Variants in PUDP observed in about 807,000 individuals in gnomAD.
PUDP encodes pseudouridine 5'-phosphatase.
Under a neutral mutation model 9.4 loss-of-function variants are expected in PUDP, and 8 were observed. The observed-to-expected ratio is 0.85, with a 90% confidence interval of 0.50 to 1.53. PUDP has a LOEUF of 1.53. Ranked by LOEUF, PUDP falls within the 40% of genes most tolerant of loss-of-function variation. The pLI is 0.00. For missense variants in PUDP, 188 were observed against 189.7 expected (o/e 0.99, Z 0.05); for synonymous variants, 99 against 80.7 (o/e 1.23, Z -1.22).
At chrX:7,131,594 G>C (rs1030878803) in intron 1 of PUDP, among the ~76,000 whole-genome samples, 2 of 109,627 alleles carry the variant, frequency 1.8e-5, no homozygotes, top group Non-Finnish European at 3.8e-5. Flanking sequence ...CTCCAGAGCT[G>C]AGATAAAGTA....
chrX:7,019,674 C>T lies in PUDP; in HGVS notation c.205-41331G>A, dbSNP rs763188908. Among the ~76,000 whole-genome samples, 31 of 112,055 alleles carry T rather than the reference C, an allele frequency of 2.8e-4. No homozygotes were observed. In the South Asian group the frequency reaches 0.011, roughly 38 times the overall value. On this transcript the variant is annotated intron_variant and NMD_transcript_variant, in intron 1 of 3. Transcript: ENST00000655425. ...CTTCCTCCCATAGCCTGTGTTGTCA[C>T]AATGCAAGCCTCCATTCTTCAACCT...
At chrX:6,783,130 A>C (rs1432580680) in intron 3 of PUDP, among the ~76,000 whole-genome samples, 2 of 111,666 alleles carry the variant, frequency 1.8e-5, no homozygotes, top group Non-Finnish European at 3.8e-5. Flanking sequence ...ACAGACCCGG[A>C]ATTGGGAGTG....
intron 3 of PUDP, among the ~76,000 whole-genome samples, chrX:6,869,916 T>G (rs1927148342): frequency 9.0e-6 from 1 of 111,243 alleles, no homozygotes; most frequent in Non-Finnish European, 1.9e-5. Context: ...GGATATATAC[T>G]CCAAAGAACT....
chrX:6,785,296 C>T (rs1443155950), intron 3 of PUDP, among the ~76,000 whole-genome samples: 1 of 112,296 alleles, frequency 8.9e-6, no homozygotes, highest in Non-Finnish European at 1.9e-5. Context: ...AACTACATTG[C>T]ATTATCTGTG....
intron 3 of PUDP, among the ~76,000 whole-genome samples, chrX:6,753,182 T>C (rs1031708104): frequency 8.9e-6 from 1 of 111,800 alleles, no homozygotes; most frequent in Non-Finnish European, 1.9e-5. Flanking sequence ...TGCCTTTGCA[T>C]CCTTATAGCT....
chrX:6,801,092 G>A (rs749015980), intron 3 of PUDP, among the ~76,000 whole-genome samples: 1 of 111,877 alleles, frequency 8.9e-6, no homozygotes, highest in South Asian at 3.8e-4. Context: ...TGAAGCCCCA[G>A]GAGAATTAAG....
At chrX:7,117,013 G>A (rs1464589941) in intron 1 of PUDP, 1 of 1,165,575 alleles carries the variant, frequency 8.6e-7, no homozygotes. Context: ...CGAAGCAGCT[G>A]CCACTATGCT....
chrX:6,816,325 C>T (rs62590381), intron 3 of PUDP, among the ~76,000 whole-genome samples: 9,206 of 102,698 alleles, frequency 0.09, 368 homozygotes, highest in Non-Finnish European at 0.12. Flanking sequence ...CATATATGTA[C>T]TATGTGACAC....
chrX:6,753,716 G>C (rs1925135071), intron 3 of PUDP, among the ~76,000 whole-genome samples: 1 of 111,838 alleles, frequency 8.9e-6, no homozygotes, highest in Admixed American at 9.5e-5. Flanking sequence ...GCATTTCCCT[G>C]ATCATTAGTG....
At chrX:6,828,604 A>T (rs1426406789) in intron 3 of PUDP, among the ~76,000 whole-genome samples, 1 of 111,420 alleles carries the variant, frequency 9.0e-6, no homozygotes, top group East Asian at 2.8e-4. Context: ...AATGATGTAC[A>T]TTCTATAGGT....
intron 1 of PUDP, among the ~76,000 whole-genome samples, chrX:7,043,903 T>C (rs747764834): frequency 9.8e-5 from 11 of 112,046 alleles, no homozygotes; most frequent in Non-Finnish European, 2.1e-4. Flanking sequence ...TTAATAATAA[T>C]CAGATGCTAT....
intron 3 of PUDP, among the ~76,000 whole-genome samples, chrX:6,732,413 TAC>T (rs1159122882): frequency 1.8e-5 from 2 of 110,712 alleles, no homozygotes; most frequent in Non-Finnish European, 3.8e-5. Flanking sequence ...CATACTCTCA[TAC>T]ACACACACAC....
At chrX:6,916,976 G>T (rs1464947102) in intron 3 of PUDP, among the ~76,000 whole-genome samples, 2 of 111,780 alleles carry the variant, frequency 1.8e-5, no homozygotes, top group Non-Finnish European at 3.8e-5. Flanking sequence ...GTGTATCTAT[G>T]CAGGGAAAAA....
chrX:7,075,736 G>A (rs1930876332), intron 3 of PUDP, among the ~76,000 whole-genome samples: 1 of 111,596 alleles, frequency 9.0e-6, no homozygotes, highest in Non-Finnish European at 1.9e-5. Flanking sequence ...GAGGGCAGGG[G>A]AGCATTGCAA....
At chrX:7,065,846 C>T (rs1930536509) in intron 3 of PUDP, among the ~76,000 whole-genome samples, 2 of 111,997 alleles carry the variant, frequency 1.8e-5, no homozygotes. Flanking sequence ...TTATGGGTCA[C>T]GTGTTCTCTG....
chrX:7,099,695 G>A (rs947205485), intron 2 of PUDP, among the ~76,000 whole-genome samples: 34 of 112,134 alleles, frequency 3.0e-4, no homozygotes, highest in African/African-American at 9.4e-4. Flanking sequence ...GACTGGCCCA[G>A]GCAAAGAGCC....
At chrX:6,915,122 T>C (rs1211809073) in intron 3 of PUDP, among the ~76,000 whole-genome samples, 2 of 112,287 alleles carry the variant, frequency 1.8e-5, no homozygotes, top group Non-Finnish European at 3.8e-5. Flanking sequence ...TATCTCTGCA[T>C]TGCCATTTCT....
At chrX:7,069,693 A>G (rs1930672094) in intron 3 of PUDP, among the ~76,000 whole-genome samples, 1 of 111,228 alleles carries the variant, frequency 9.0e-6, no homozygotes, top group African/African-American at 3.3e-5. Context: ...CTTTCTAAGG[A>G]AAGCCTTCCA....
At chrX:7,098,322 A>G (rs1931631879) in intron 2 of PUDP, among the ~76,000 whole-genome samples, 1 of 112,196 alleles carries the variant, frequency 8.9e-6, no homozygotes, top group African/African-American at 3.2e-5. Flanking sequence ...CCTTGCTTCA[A>G]GATGGTACCT....
Sources: gnomAD v4.1 joint callset for allele counts (sites outside exome capture counted in the v4.1 genomes callset) on GRCh38, gnomAD v4.1.1 for gene constraint, MANE v1.5 for transcripts, NCBI Gene and HGNC (gene_info 2026-07-23, HGNC 2026-07-21) for gene names.